OR2L13: variants seen among roughly 807,000 people sequenced by gnomAD.
The protein encoded by OR2L13 is olfactory receptor 2L13.
In OR2L13, 14 loss-of-function variants were observed where a neutral mutation model predicts 15.3. The ratio of observed to expected loss-of-function variants is 0.91; its 90% CI spans 0.60 to 1.43. OR2L13 has a LOEUF of 1.43. Ranked by LOEUF, OR2L13 falls within the 40% of genes most tolerant of loss-of-function variation. The pLI, the probability that OR2L13 is intolerant of heterozygous loss-of-function variation, is 0.00. For missense variants in OR2L13, 367 were observed against 387.9 expected (o/e 0.95, Z 0.45); for synonymous variants, 152 against 142.9 (o/e 1.06, Z -0.45).
chr1:247,986,829 TC>T, the OR2L13 span, among the ~76,000 whole-genome samples: 1 of 152,204 alleles, frequency 6.6e-6, no homozygotes, highest in Admixed American at 6.5e-5. Flanking sequence ...GTCCTTCACG[TC>T]CGTTGTAAGT....
the OR2L13 span, among the ~76,000 whole-genome samples, chr1:248,070,112 G>A: frequency 6.6e-6 from 1 of 152,028 alleles, no homozygotes; most frequent in African/African-American, 2.4e-5. Flanking sequence ...ACTCAGCTCT[G>A]GACCAAGCAG....
chr1:248,051,810 C>A, the OR2L13 span, among the ~76,000 whole-genome samples: 1 of 151,830 alleles, frequency 6.6e-6, no homozygotes, highest in East Asian at 1.9e-4. Flanking sequence ...TCATTCAGAA[C>A]TAAAATTGTT....
At chr1:247,970,341 T>C in the OR2L13 span, among the ~76,000 whole-genome samples, 5 of 150,162 alleles carry the variant, frequency 3.3e-5, no homozygotes, top group African/African-American at 1.3e-4. Flanking sequence ...AGTATAATAA[T>C]AATTAAAAAC....
the OR2L13 span, among the ~76,000 whole-genome samples, chr1:247,958,870 C>T: frequency 6.6e-6 from 1 of 152,058 alleles, no homozygotes; most frequent in African/African-American, 2.4e-5. Flanking sequence ...GAATACAGCA[C>T]ACTGATGGGT....
the OR2L13 span, among the ~76,000 whole-genome samples, chr1:248,016,514 A>G: frequency 6.6e-6 from 1 of 152,114 alleles, no homozygotes; most frequent in East Asian, 1.9e-4. Context: ...CATTAAAATA[A>G]TCTTATTCGT....
At chr1:247,942,971 C>A in the OR2L13 span, among the ~76,000 whole-genome samples, 1 of 151,548 alleles carries the variant, frequency 6.6e-6, no homozygotes, top group African/African-American at 2.4e-5. Context: ...CGAATTCATA[C>A]AATATTTGTC....
the OR2L13 span, among the ~76,000 whole-genome samples, chr1:248,071,681 C>A: frequency 6.6e-6 from 1 of 151,486 alleles, no homozygotes; most frequent in African/African-American, 2.4e-5. Context: ...AAGAGGAAGT[C>A]AAATTGTCCC....
upstream of OR2L13, among the ~76,000 whole-genome samples, chr1:248,096,119 C>G (rs1324176534): frequency 6.6e-6 from 1 of 151,980 alleles, no homozygotes; most frequent in Non-Finnish European, 1.5e-5. Flanking sequence ...TGGCTCATGC[C>G]TGTAATCCCA....
chr1:247,986,369 A>T, the OR2L13 span, among the ~76,000 whole-genome samples: 1 of 152,166 alleles, frequency 6.6e-6, no homozygotes, highest in East Asian at 1.9e-4. Context: ...TAAATAGGGA[A>T]TCCTTTCCCC....
chr1:248,028,019 T>G, the OR2L13 span, among the ~76,000 whole-genome samples: 1 of 151,798 alleles, frequency 6.6e-6, no homozygotes, highest in African/African-American at 2.4e-5. Flanking sequence ...TGGGTGCCTT[T>G]AGTCTCAGCT....
chr1:247,990,986 G>T, the OR2L13 span: 6 of 1,511,946 alleles, frequency 4.0e-6, no homozygotes, highest in Non-Finnish European at 3.7e-6. Context: ...TATTCGACCT[G>T]CAGCACCCAC....
chr1:247,955,340 G>C, the OR2L13 span, among the ~76,000 whole-genome samples: 1 of 151,634 alleles, frequency 6.6e-6, no homozygotes, highest in Non-Finnish European at 1.5e-5. Context: ...TCTTAATCCA[G>C]TCTATCATTG....
chr1:247,965,377 A>G, the OR2L13 span: 3 of 1,608,388 alleles, frequency 1.9e-6, no homozygotes, highest in Admixed American at 5.1e-5. Flanking sequence ...GGTTTCAGCC[A>G]TGAAAACAGG....
the OR2L13 span, among the ~76,000 whole-genome samples, chr1:247,991,445 C>G: frequency 6.7e-6 from 1 of 148,928 alleles, no homozygotes; most frequent in African/African-American, 2.5e-5. Context: ...AAGTAGTGAT[C>G]TATTAAAAGT....
the OR2L13 span, among the ~76,000 whole-genome samples, chr1:247,960,575 C>G: frequency 4.8e-4 from 73 of 152,312 alleles, no homozygotes; most frequent in Non-Finnish European, 8.7e-4. Context: ...CCTTGAGCTG[C>G]GGTGGGCTGC....
the OR2L13 span, among the ~76,000 whole-genome samples, chr1:248,065,167 G>A: frequency 6.6e-6 from 1 of 152,142 alleles, no homozygotes; most frequent in Non-Finnish European, 1.5e-5. Flanking sequence ...TGTTCATTGT[G>A]CCTCGTTTTA....
the OR2L13 span, among the ~76,000 whole-genome samples, chr1:247,941,372 T>C: frequency 1.2e-4 from 19 of 152,276 alleles, no homozygotes; most frequent in Admixed American, 1.2e-3. Flanking sequence ...CTGAGGCATG[T>C]CAAAAGAGAG....
chr1:247,948,911 A>G, the OR2L13 span: 1 of 1,613,588 alleles, frequency 6.2e-7, no homozygotes, highest in Middle Eastern at 1.7e-4. Context: ...GGCTGTTTCC[A>G]CCATCAAGAA....
At chr1:248,061,678 G>C in the OR2L13 span, 1 of 1,391,368 alleles carries the variant, frequency 7.2e-7, no homozygotes, top group Non-Finnish European at 9.7e-7. Flanking sequence ...GCAGTGTATA[G>C]TAATTAAAAT....
Sources: allele counts gnomAD v4.1 joint callset (sites outside exome capture counted in the v4.1 genomes callset), GRCh38; gene constraint gnomAD v4.1.1; transcripts MANE v1.5; gene names NCBI Gene and HGNC (gene_info 2026-07-23, HGNC 2026-07-21).